Variants in ENDOV observed in about 807,000 individuals in gnomAD.
ENDOV encodes the protein endonuclease V.
In ENDOV, 37 loss-of-function variants were observed where a neutral mutation model predicts 39.4. That is an observed-to-expected ratio of 0.94 (90% CI 0.72 to 1.23). ENDOV has a LOEUF of 1.23. Ranked by LOEUF, ENDOV falls within the 50% of genes most tolerant of loss-of-function variation. The probability of loss-of-function intolerance (pLI) is 0.00; values close to 1 mark genes in which losing one functional copy is unlikely to be tolerated. For missense variants in ENDOV, 441 were observed against 375.7 expected (o/e 1.17, Z -1.44); for synonymous variants, 186 against 163.4 (o/e 1.14, Z -1.05).
intron 2 of ENDOV, chr17:80,419,515 C>T (rs1378629493): frequency 1.4e-6 from 1 of 690,340 alleles, no homozygotes; most frequent in African/African-American, 1.8e-5. Flanking sequence ...GTGCTGGACG[C>T]TGAGCAATGG....
intron 9 of ENDOV, among the ~76,000 whole-genome samples, chr17:80,432,405 A>T (rs2083383792): frequency 6.6e-6 from 1 of 151,944 alleles, no homozygotes; most frequent in Non-Finnish European, 1.5e-5. Flanking sequence ...TCTGGATGGG[A>T]GGGAGAGCAG....
chr17:80,428,592 C>T lies in ENDOV; in HGVS notation c.715-4C>T. On this transcript the variant is annotated splice_polypyrimidine_tract_variant and splice_region_variant and intron_variant, in intron 7 of 9. Transcript: ENST00000518137. ...GCACCCAGCAGCACGTCTGTCTCCC[C>T]CAGGCTGACATCTGCTCCCGAGAGC... 1 of 1,578,714 alleles carries T rather than the reference C, an allele frequency of 6.3e-7. No individual in the cohort carries two copies. The highest frequency in any genetic ancestry group is 1.8e-5 in the Admixed American group (1 of 55,708).
intron 2 of ENDOV, among the ~76,000 whole-genome samples, chr17:80,419,170 CAAA>C (rs67490024): frequency 1.4e-4 from 14 of 103,512 alleles, no homozygotes; most frequent in South Asian, 6.6e-4. Flanking sequence ...AGGACTCTGT[CAAA>C]AAAAAAAAAA....
intron 5 of ENDOV, among the ~76,000 whole-genome samples, chr17:80,424,692 A>G (rs1159298481): frequency 1.3e-5 from 2 of 152,032 alleles, no homozygotes; most frequent in Admixed American, 6.6e-5. Flanking sequence ...GCGGTGGCTC[A>G]CTCCTGTAAT....
intron 2 of ENDOV, chr17:80,419,356 G>T: frequency 1.9e-6 from 1 of 518,118 alleles, no homozygotes; most frequent in Non-Finnish European, 3.5e-6. Context: ...TAGCATCCCT[G>T]ACAAACGATG....
Position 80,422,104 on chromosome 17 carries a change from C to T in ENDOV, c.364-102C>T, listed in dbSNP as rs541178044. The T allele has an allele frequency of 1.4e-5, 22 of 1,574,040 alleles. No individual in the cohort carries two copies. In the African/African-American group the frequency reaches 2.6e-4, roughly 18 times the overall value. Reference sequence around the variant, plus strand: ...GAGAGGAATGAGGATTTCTAAAAAGCTGGACCCCAGAGACAGTGCCCCCTT... The same window carrying T: ...GAGAGGAATGAGGATTTCTAAAAAGTTGGACCCCAGAGACAGTGCCCCCTT... On this transcript the variant is annotated intron_variant, in intron 3 of 9. Transcript: ENST00000518137.
chr17:80,421,618 C>T (rs1568218869), intron 2 of ENDOV, among the ~76,000 whole-genome samples: 1 of 152,086 alleles, frequency 6.6e-6, no homozygotes, highest in Non-Finnish European at 1.5e-5. Context: ...TGGACCAGGT[C>T]CCGGGGGTAC....
intron 7 of ENDOV, among the ~76,000 whole-genome samples, chr17:80,426,143 A>G (rs2082661032): frequency 1.3e-5 from 2 of 152,220 alleles, no homozygotes; most frequent in Admixed American, 1.3e-4. Flanking sequence ...CCATCAGCTC[A>G]GCTGAGAAAG....
chr17:80,424,705 C>T (rs1006013893), intron 5 of ENDOV, among the ~76,000 whole-genome samples: 2 of 152,176 alleles, frequency 1.3e-5, no homozygotes, highest in African/African-American at 2.4e-5. Context: ...CCTGTAATCC[C>T]AGCACTTTGG....
intron 3 of ENDOV, 70 bp downstream of exon 3, chr17:80,422,032 G>T: frequency 6.3e-7 from 1 of 1,582,812 alleles, no homozygotes. Flanking sequence ...GCTGCTGCAG[G>T]TCGCCACCAC....
At chr17:80,415,370 A>C in intron 1 of ENDOV, 120 bp downstream of exon 1, 6 of 1,256,856 alleles carry the variant, frequency 4.8e-6, no homozygotes, top group Non-Finnish European at 6.6e-6. Context: ...GAGACTCCAA[A>C]GCAAAGCCCA....
At position 80,415,233 on chromosome 17, in the gene ENDOV, G is replaced by A. The variant is rs776996876; in HGVS notation, c.39G>A (p.Thr13=). ...CGGCGGGAGGGCCGCCGGAGGAAAC[G>A]CTGTCACTGTGGAAACGGTAATGCT... is the stretch of plus-strand genomic sequence containing the variant. ...LEAAGGPPEE[T]LSLWKREQAR... The change falls in exon 1 of 10, where the codon ACG becomes ACA. Residue 13 remains threonine (T), a synonymous_variant. Coordinates refer to ENST00000518137, the MANE Select transcript of ENDOV (RefSeq NM_173627.5). The A allele has an allele frequency of 6.2e-7, 1 of 1,613,352 alleles. No individual in the cohort carries two copies. The highest frequency in any genetic ancestry group is 8.5e-7 in the Non-Finnish European group (1 of 1,179,736).
chr17:80,428,555 G>C (rs2083012414), intron 7 of ENDOV, 41 bp from the exon 8 acceptor site: 4 of 1,549,734 alleles, frequency 2.6e-6, no homozygotes, highest in Middle Eastern at 1.7e-4. Flanking sequence ...AACTGGTCTA[G>C]AGACCAGCTC....
At chr17:80,422,586 C>T (rs796228806) in intron 4 of ENDOV, among the ~76,000 whole-genome samples, 2 of 152,376 alleles carry the variant, frequency 1.3e-5, no homozygotes, top group African/African-American at 4.8e-5. Flanking sequence ...GTGGCCTTCC[C>T]TGCCAGCCGC....
In ENDOV at chr17:80,427,680, C is replaced by A. The variant is rs1387369770; in HGVS notation, c.715-916C>A. On this transcript the variant is annotated intron_variant, in intron 7 of 9. Transcript: ENST00000518137. ...CACCTCTCAACAGGTTCACCTCCTG[C>A]TCTGTTCCAGAAGGTCCTGGGAGAG... 1.2e-5 allele frequency: 15 copies of A among 1,272,696 alleles called. No individual in the cohort carries two copies. The African/African-American group carries it at 2.1e-4, about 18-fold the overall frequency. 78.8% of individuals were successfully genotyped at this position (1,272,696 alleles called of 1,614,324 possible). A position where few individuals can be genotyped will look rare whatever the true frequency, so the allele number is the denominator to read the frequency against.
In ENDOV at chr17:80,427,587, C is replaced by T. The variant is rs1262531980; in HGVS notation, c.715-1009C>T. The stretch of plus-strand genomic sequence containing the variant: ...GAGCCCGCAGCTTCTTACTGTTGGG[C>T]GTGAGCCGAGGATCGTGTCCTGCAG... On this transcript the variant is annotated intron_variant, in intron 7 of 9. Transcript: ENST00000518137. 2.7e-5 allele frequency: 30 copies of T among 1,097,894 alleles called. No individual in the cohort carries two copies. The Admixed American group carries it at 9.2e-4, about 34-fold the overall frequency. The allele number at this position is 1,097,894 out of a possible 1,614,324, so 68.0% of individuals were successfully genotyped here.
Position 80,436,978 on chromosome 17 carries a change from TGGA to T in ENDOV, c.*837_*839del, listed in dbSNP as rs2083613867. 6.5e-6 allele frequency: 1 copy of T among 152,788 alleles called. No individual in the cohort carries two copies. Among genetic ancestry groups the T allele is most frequent in the Admixed American group, 6.5e-5 (1 of 15,292 alleles). The allele number at this position is 152,788 out of a possible 1,614,324, so 9.5% of individuals were successfully genotyped here. A position where few individuals can be genotyped will look rare whatever the true frequency, so the allele number is the denominator to read the frequency against. Reference sequence around the variant, plus strand: ...GTCAGTTGCTAGCTTGTGTGTTTCTTGGAGTTTTTCCGTTTCGTCCATGTTATC... The same window carrying T: ...GTCAGTTGCTAGCTTGTGTGTTTCTTGTTTTTCCGTTTCGTCCATGTTATC... On this transcript the variant is annotated 3_prime_UTR_variant, in exon 10 of 10. Transcript: ENST00000518137.
At chr17:80,415,981 CA>C in intron 2 of ENDOV, 160 bp downstream of exon 2, 1 of 839,270 alleles carries the variant, frequency 1.2e-6, no homozygotes, top group Non-Finnish European at 1.8e-6. Context: ...CTCACGCCTG[CA>C]ATCCCAGCAC....
At chr17:80,424,214 G>A in intron 5 of ENDOV, 2 of 399,484 alleles carry the variant, frequency 5.0e-6, no homozygotes, top group Non-Finnish European at 8.8e-6. Context: ...AGCAGAGACT[G>A]TGTCTCTCAT....
Sources: gnomAD v4.1 joint callset for allele counts (sites outside exome capture counted in the v4.1 genomes callset) on GRCh38, gnomAD v4.1.1 for gene constraint, MANE v1.5 for transcripts, NCBI Gene and HGNC (gene_info 2026-07-23, HGNC 2026-07-21) for gene names.